GALNTL6: variants seen among roughly 807,000 people sequenced by gnomAD.
The protein encoded by GALNTL6 is polypeptide N-acetylgalactosaminyltransferase-like 6.
A neutral mutation model predicts 73.7 loss-of-function variants in GALNTL6; 46 were observed. The ratio of observed to expected loss-of-function variants is 0.62; its 90% CI spans 0.49 to 0.80. The LOEUF (loss-of-function observed/expected upper bound fraction) is 0.80, where lower values mean the gene tolerates loss of function less well. Ranked by LOEUF, GALNTL6 falls within the 30% of genes least tolerant of loss-of-function variation. GALNTL6 has a pLI of 0.00. For synonymous variants in GALNTL6, 259 were observed against 263.7 expected (o/e 0.98, Z 0.17); for missense variants, 604 against 755.0 (o/e 0.80, Z 2.34).
At chr4:172,888,802 A>G (rs1259371693) in intron 8 of GALNTL6, among the ~76,000 whole-genome samples, 1 of 152,224 alleles carries the variant, frequency 6.6e-6, no homozygotes, top group East Asian at 1.9e-4. Context: ...GAAAAACGAC[A>G]TTGGTAATTT....
chr4:172,371,094 TCAGTGCAAA>T (rs1226370355), intron 5 of GALNTL6, among the ~76,000 whole-genome samples: 1 of 152,240 alleles, frequency 6.6e-6, no homozygotes, highest in African/African-American at 2.4e-5. Context: ...AAGATTTGGC[TCAGTGCAAA>T]CAGCTCACAC....
At chr4:172,663,895 A>G (rs1206300817) in intron 5 of GALNTL6, among the ~76,000 whole-genome samples, 1 of 150,740 alleles carries the variant, frequency 6.6e-6, no homozygotes, top group Non-Finnish European at 1.5e-5. Flanking sequence ...ATGTCACTGC[A>G]CTCCAGCCTG....
At chr4:172,380,222 T>C (rs558515869) in intron 5 of GALNTL6, 56 of 954,682 alleles carry the variant, frequency 5.9e-5, no homozygotes, top group African/African-American at 4.8e-4. Flanking sequence ...TTTCAAAATA[T>C]CTTAACGTAT....
chr4:172,433,011 G>T (rs1369455356), intron 5 of GALNTL6, among the ~76,000 whole-genome samples: 2 of 152,196 alleles, frequency 1.3e-5, no homozygotes, highest in South Asian at 2.1e-4. Context: ...TTGTATCTTT[G>T]TGATAAGAAA....
chr4:172,602,162 GAAAC>G (rs1738082216), intron 5 of GALNTL6, among the ~76,000 whole-genome samples: 2 of 151,958 alleles, frequency 1.3e-5, no homozygotes, highest in African/African-American at 2.4e-5. Flanking sequence ...TCAGACAAAA[GAAAC>G]AAAGAGTGTT....
intron 10 of GALNTL6, among the ~76,000 whole-genome samples, chr4:173,008,347 T>C (rs1449902655): frequency 6.6e-6 from 1 of 152,254 alleles, no homozygotes; most frequent in Non-Finnish European, 1.5e-5. Flanking sequence ...TCTCCCATTT[T>C]ACTGAAGTCA....
intron 5 of GALNTL6, among the ~76,000 whole-genome samples, chr4:172,526,088 C>T (rs1037728187): frequency 2.0e-5 from 3 of 152,142 alleles, no homozygotes; most frequent in African/African-American, 4.8e-5. Flanking sequence ...AGTTCTCTGC[C>T]TGATGAAAAT....
At chr4:171,818,997 G>A (rs2110799110) in intron 2 of GALNTL6, among the ~76,000 whole-genome samples, 1 of 150,276 alleles carries the variant, frequency 6.7e-6, no homozygotes, top group South Asian at 2.1e-4. Flanking sequence ...ACTGTCTTAG[G>A]CATTTTTTTT....
At chr4:171,869,653 G>T (rs923294328) in intron 2 of GALNTL6, among the ~76,000 whole-genome samples, 1 of 152,030 alleles carries the variant, frequency 6.6e-6, no homozygotes, top group Non-Finnish European at 1.5e-5. Context: ...TTTCTGATAT[G>T]GTTTGGCTGT....
intron 7 of GALNTL6, among the ~76,000 whole-genome samples, chr4:172,834,479 A>G (rs1322841157): frequency 1.3e-5 from 2 of 152,234 alleles, no homozygotes; most frequent in African/African-American, 4.8e-5. Context: ...CCAATAGGTC[A>G]AGAGGGCAGA....
chr4:172,426,367 A>T (rs1186973254), intron 5 of GALNTL6, among the ~76,000 whole-genome samples: 2 of 152,166 alleles, frequency 1.3e-5, no homozygotes, highest in Non-Finnish European at 2.9e-5. Flanking sequence ...AACAATAAAT[A>T]GTAAAACCCT....
rs530440698 is a variant in GALNTL6, at chr4:172,308,541, G to A, written c.248-3073G>A. ...TTTTACTGAGGGTTTTCATCATAAA[G>A]GGATGCTGGATTTTGTCAGATGCTT... On this transcript the variant is annotated intron_variant, in intron 3 of 12. Coordinates refer to ENST00000506823, the MANE Select transcript of GALNTL6 (RefSeq NM_001034845.3). 2.1e-4 allele frequency among the ~76,000 whole-genome samples: 32 copies of A among 152,196 alleles called. No individual in the cohort carries two copies. In the South Asian group the frequency reaches 6.4e-3, roughly 31 times the overall value.
chr4:172,436,930 A>C (rs1731652716), intron 5 of GALNTL6, among the ~76,000 whole-genome samples: 1 of 152,056 alleles, frequency 6.6e-6, no homozygotes, highest in African/African-American at 2.4e-5. Context: ...GCTTCTTCCC[A>C]GTTTTTTAAA....
intron 8 of GALNTL6, among the ~76,000 whole-genome samples, chr4:172,914,167 G>T (rs1164997066): frequency 6.6e-6 from 1 of 152,138 alleles, no homozygotes; most frequent in Non-Finnish European, 1.5e-5. Context: ...AAGTGAAGGA[G>T]AAATAAAAGC....
At chr4:172,064,251 T>C (rs1344108175) in intron 2 of GALNTL6, among the ~76,000 whole-genome samples, 1 of 152,214 alleles carries the variant, frequency 6.6e-6, no homozygotes, top group Non-Finnish European at 1.5e-5. Flanking sequence ...TTTTTCTGTT[T>C]GTTTTTCTCC....
chr4:172,846,627 A>C (rs1489970120), intron 7 of GALNTL6, among the ~76,000 whole-genome samples: 1 of 152,180 alleles, frequency 6.6e-6, no homozygotes, highest in Non-Finnish European at 1.5e-5. Flanking sequence ...TTAAGTTATC[A>C]TGTGGAATTG....
chr4:171,949,010 G>C (rs966462489), intron 2 of GALNTL6, among the ~76,000 whole-genome samples: 1 of 151,540 alleles, frequency 6.6e-6, no homozygotes, highest in African/African-American at 2.4e-5. Context: ...CACTCACTGA[G>C]TTGACATGAC....
At chr4:172,195,729 T>C (rs532813854) in intron 2 of GALNTL6, among the ~76,000 whole-genome samples, 2 of 152,166 alleles carry the variant, frequency 1.3e-5, no homozygotes, top group Non-Finnish European at 2.9e-5. Flanking sequence ...CAAGAAGTTA[T>C]TTGAAACTAA....
intron 3 of GALNTL6, among the ~76,000 whole-genome samples, chr4:172,234,007 TTGATTTTGTTCACATAA>T (rs1737160899): frequency 6.6e-6 from 1 of 152,044 alleles, no homozygotes. Context: ...TAATATTATA[TTGATTTTGTTCACATAA>T]TGATTATACT....
Sources: allele counts gnomAD v4.1 joint callset (sites outside exome capture counted in the v4.1 genomes callset), GRCh38; gene constraint gnomAD v4.1.1; transcripts MANE v1.5; gene names NCBI Gene and HGNC (gene_info 2026-07-23, HGNC 2026-07-21).